TDRP: variants seen among roughly 807,000 people sequenced by gnomAD.
The protein encoded by TDRP is testis development related protein, also known as testis development-related protein.
In TDRP, 12 loss-of-function variants were observed where a neutral mutation model predicts 10.5. That is an observed-to-expected ratio of 1.15 (90% confidence interval 0.73 to 1.86). The LOEUF (loss-of-function observed/expected upper bound fraction) is 1.86. Among genes scored for constraint, TDRP ranks in the 40% most tolerant of loss-of-function variants. The pLI is 0.00. For synonymous variants in TDRP, 139 were observed against 95.4 expected (o/e 1.46, Z -2.67); for missense variants, 353 against 229.2 (o/e 1.54, Z -3.49).
At chr8:519,098 C>G (rs1801830364) in intron 1 of TDRP, among the ~76,000 whole-genome samples, 1 of 152,096 alleles carries the variant, frequency 6.6e-6, no homozygotes, top group South Asian at 2.1e-4. Flanking sequence ...GAGATTGAAT[C>G]CAGTCACCAA....
chr8:533,443 G>A (rs1171593639), intron 1 of TDRP, among the ~76,000 whole-genome samples: 1 of 152,084 alleles, frequency 6.6e-6, no homozygotes, highest in East Asian at 1.9e-4. Context: ...CACATCCAAA[G>A]GCACCAACTC....
chr8:537,789 CAAAT>C (rs1263299534), intron 1 of TDRP, among the ~76,000 whole-genome samples: 1 of 152,158 alleles, frequency 6.6e-6, no homozygotes, highest in East Asian at 1.9e-4. Flanking sequence ...CTCCAAGTTG[CAAAT>C]CCTGCCTCCC....
At chr8:544,850 G>A, upstream of TDRP, 3 of 986,632 alleles carry the variant, frequency 3.0e-6, no homozygotes, top group Non-Finnish European at 3.9e-6. Flanking sequence ...CGGCTCCTGC[G>A]GGACGCGGGC....
chr8:535,629 A>T (rs1378809394), intron 1 of TDRP, among the ~76,000 whole-genome samples: 1 of 152,114 alleles, frequency 6.6e-6, no homozygotes, highest in African/African-American at 2.4e-5. Flanking sequence ...GCAGACGTAA[A>T]GCCAAGTCGC....
chr8:537,108 G>C (rs1036902852), intron 1 of TDRP, among the ~76,000 whole-genome samples: 2 of 152,204 alleles, frequency 1.3e-5, no homozygotes, highest in Non-Finnish European at 2.9e-5. Context: ...GCTCCCATCA[G>C]GTGCCGTAAT....
At chr8:543,186 C>T (rs760609339) in intron 1 of TDRP, among the ~76,000 whole-genome samples, 5 of 152,062 alleles carry the variant, frequency 3.3e-5, no homozygotes, top group Non-Finnish European at 7.3e-5. Context: ...GTGGTGCGCA[C>T]TTGTAGTCCC....
rs572004761 is a variant in TDRP, at chr8:543,628, A to G, written c.108+1022T>C. ...TCAGACAAGTTCAGATAGTAACCATATTTAAGCGCTTAACATAATCGGCTC... is the reference window on the plus strand; with the variant it reads ...TCAGACAAGTTCAGATAGTAACCATGTTTAAGCGCTTAACATAATCGGCTC... On this transcript the variant is annotated intron_variant, in intron 1 of 2. Transcript: ENST00000324079. Among the ~76,000 whole-genome samples, 3 of 152,072 alleles carry G rather than the reference A, an allele frequency of 2.0e-5. No individual in the cohort carries two copies. In the East Asian group the frequency reaches 5.8e-4, roughly 30 times the overall value.
At chr8:509,820 G>C (rs987330573) in intron 1 of TDRP, among the ~76,000 whole-genome samples, 9 of 152,188 alleles carry the variant, frequency 5.9e-5, no homozygotes, top group Non-Finnish European at 8.8e-5. Flanking sequence ...AGGCTGCAAA[G>C]TTTCCAAACT....
intron 1 of TDRP, among the ~76,000 whole-genome samples, chr8:510,892 T>A (rs1401952310): frequency 6.6e-6 from 1 of 152,204 alleles, no homozygotes; most frequent in Non-Finnish European, 1.5e-5. Flanking sequence ...TTGCATAGAA[T>A]AGGCATATAC....
At chr8:526,203 G>A (rs749112819) in intron 1 of TDRP, among the ~76,000 whole-genome samples, 1 of 152,096 alleles carries the variant, frequency 6.6e-6, no homozygotes, top group Non-Finnish European at 1.5e-5. Flanking sequence ...TCGCTAGGTT[G>A]GCCAGGCTGG....
chr8:518,399 T>C (rs1384397884), intron 1 of TDRP, among the ~76,000 whole-genome samples: 2 of 152,196 alleles, frequency 1.3e-5, no homozygotes, highest in Non-Finnish European at 2.9e-5. Flanking sequence ...TAACCTGTGC[T>C]ACCAGTTATT....
At chr8:493,127 T>G (rs796103160) in intron 2 of TDRP, among the ~76,000 whole-genome samples, 1 of 152,190 alleles carries the variant, frequency 6.6e-6, no homozygotes, top group African/African-American at 2.4e-5. Flanking sequence ...ATTTATCAAA[T>G]AGGTTTTCAA....
At chr8:497,718 G>A (rs566864583) in intron 1 of TDRP, among the ~76,000 whole-genome samples, 77 of 152,200 alleles carry the variant, frequency 5.1e-4, no homozygotes, top group Non-Finnish European at 1.0e-3. Context: ...GGGCATTTCA[G>A]AGACCTTCAT....
chr8:507,989 A>T (rs1801510527), intron 1 of TDRP, among the ~76,000 whole-genome samples: 1 of 152,216 alleles, frequency 6.6e-6, no homozygotes, highest in South Asian at 2.1e-4. Context: ...AAAAAGGAAG[A>T]CCCATACATC....
Position 491,717 on chromosome 8 carries a change from G to C in TDRP, c.*682C>G. 2 of 1,476,512 alleles carry C rather than the reference G, an allele frequency of 1.4e-6. No homozygotes were observed. The highest frequency in any genetic ancestry group is 1.8e-6 in the Non-Finnish European group (2 of 1,125,844). The allele number at this position is 1,476,512 out of a possible 1,614,324, so 91.5% of individuals were successfully genotyped here. A position where few individuals can be genotyped will look rare whatever the true frequency, so the allele number is the denominator to read the frequency against. On this transcript the variant is annotated 3_prime_UTR_variant, in exon 3 of 3. Coordinates refer to ENST00000324079, the MANE Select transcript of TDRP (RefSeq NM_001384899.1). ...AATGTTTTAAGAAAATAAAGGGACC[G>C]ATTTAGAAGTTCAAAAGAGGTAAAA...
chr8:493,624 T>C (rs1319035607), intron 2 of TDRP, among the ~76,000 whole-genome samples: 1 of 152,266 alleles, frequency 6.6e-6, no homozygotes, highest in African/African-American at 2.4e-5. Flanking sequence ...GGGTAGTCAC[T>C]GAACTTACAT....
At position 492,173 on chromosome 8, in the gene TDRP, G is replaced by A. The variant is rs183186487; in HGVS notation, c.*226C>T. On this transcript the variant is annotated 3_prime_UTR_variant, in exon 3 of 3. Transcript: ENST00000324079. Reference sequence around the variant, plus strand: ...GTTTCTGCAAAACATGGACTGATAGGTGAATATTTCTGCAATAAGGCAATC... The same window carrying A: ...GTTTCTGCAAAACATGGACTGATAGATGAATATTTCTGCAATAAGGCAATC... The A allele has an allele frequency of 2.4e-6, 3 of 1,258,926 alleles. No homozygotes were observed. The highest frequency in any genetic ancestry group is 3.8e-5 in the Admixed American group (1 of 26,022). The allele number at this position is 1,258,926 out of a possible 1,614,324, so 78.0% of individuals were successfully genotyped here.
Position 491,749 on chromosome 8 carries a change from T to A in TDRP, c.*650A>T. On this transcript the variant is annotated 3_prime_UTR_variant, in exon 3 of 3. Coordinates refer to ENST00000324079, the MANE Select transcript of TDRP (RefSeq NM_001384899.1). Reference sequence around the variant, plus strand: ...AAGTTCAAAAGAGGTAAAAATAAAATTCCAAAAAAGAACCACTGTTACTAT... The same window carrying A: ...AAGTTCAAAAGAGGTAAAAATAAAAATCCAAAAAAGAACCACTGTTACTAT... 7.8e-6 allele frequency: 11 copies of A among 1,402,230 alleles called. No individual in the cohort carries two copies. The highest frequency in any genetic ancestry group is 2.6e-4 in the Middle Eastern group (1 of 3,888). 86.9% of individuals were successfully genotyped at this position (1,402,230 alleles called of 1,614,324 possible).
At chr8:518,541 G>A (rs1801815081) in intron 1 of TDRP, among the ~76,000 whole-genome samples, 1 of 152,028 alleles carries the variant, frequency 6.6e-6, no homozygotes, top group South Asian at 2.1e-4. Context: ...AGAGGTGCAT[G>A]ACAAAAAAGG....
Sources: allele counts gnomAD v4.1 joint callset (sites outside exome capture counted in the v4.1 genomes callset), GRCh38; gene constraint gnomAD v4.1.1; transcripts MANE v1.5; gene names NCBI Gene and HGNC (gene_info 2026-07-23, HGNC 2026-07-21).